Variants in CENPS observed in about 807,000 individuals in gnomAD.
The protein encoded by CENPS is FANCM associated histone fold protein 1.
Under a neutral mutation model 17.9 loss-of-function variants are expected in CENPS, and 16 were observed. That is an observed-to-expected ratio of 0.90 (90% CI 0.61 to 1.36). CENPS has a LOEUF of 1.36. CENPS is among the 40% of genes most tolerant of loss of function. The pLI is 0.00. For missense variants in CENPS, 160 were observed against 158.6 expected (o/e 1.01, Z -0.05); for synonymous variants, 49 against 55.8 (o/e 0.88, Z 0.54).
chr1:10,440,832 A>G (rs1640374924), intron 4 of CENPS, among the ~76,000 whole-genome samples: 1 of 152,114 alleles, frequency 6.6e-6, no homozygotes, highest in Non-Finnish European at 1.5e-5. Flanking sequence ...TTTCAAGTCT[A>G]GAAATCATTT....
At chr1:10,436,631 G>A (rs374907226) in intron 3 of CENPS, among the ~76,000 whole-genome samples, 78 of 151,270 alleles carry the variant, frequency 5.2e-4, no homozygotes, top group African/African-American at 1.7e-3. Context: ...GCTTGAACCA[G>A]GGAGGTGGAG....
rs1207217556 is a variant in CENPS, at chr1:10,442,625, C to T, written c.*220C>T. The T allele has an allele frequency of 6.2e-6, 4 of 645,924 alleles. No homozygotes were observed. Among genetic ancestry groups the T allele is most frequent in the Non-Finnish European group, 8.7e-6 (4 of 457,198 alleles). The allele number at this position is 645,924 out of a possible 1,614,324, so 40.0% of individuals were successfully genotyped here. A position where few individuals can be genotyped will look rare whatever the true frequency, so the allele number is the denominator to read the frequency against. On this transcript the variant is annotated 3_prime_UTR_variant, in exon 5 of 5. Transcript: ENST00000309048. Reference sequence around the variant, plus strand: ...TTAAGCAAAATACTCCCAGGTCTCACTCCAGAACATAAAAATGGTGTGTGA... The same window carrying T: ...TTAAGCAAAATACTCCCAGGTCTCATTCCAGAACATAAAAATGGTGTGTGA...
intron 3 of CENPS, among the ~76,000 whole-genome samples, chr1:10,435,161 C>T (rs956956703): frequency 1.3e-5 from 2 of 152,150 alleles, no homozygotes; most frequent in Admixed American, 6.5e-5. Context: ...CCGAGTAAGA[C>T]GCACTCCTTG....
chr1:10,440,105 G>T, intron 3 of CENPS: 1 of 530,146 alleles, frequency 1.9e-6, no homozygotes, highest in South Asian at 2.6e-5. Context: ...TTATGCTTCG[G>T]GTACCCTTGG....
chr1:10,441,695 G>A (rs1311547631), intron 4 of CENPS, among the ~76,000 whole-genome samples: 6 of 138,850 alleles, frequency 4.3e-5, no homozygotes, highest in African/African-American at 1.1e-4. Context: ...GCGTGATCTC[G>A]GCTCACTGCA....
At chr1:10,432,537 T>C (rs1639967816) in intron 1 of CENPS, among the ~76,000 whole-genome samples, 1 of 152,140 alleles carries the variant, frequency 6.6e-6, no homozygotes, top group Non-Finnish European at 1.5e-5. Flanking sequence ...TTCTAGGCAC[T>C]TGGTAGGCAG....
rs1640463683 is a variant in CENPS, at chr1:10,442,605, C to T, written c.*200C>T. The T allele has an allele frequency of 1.2e-6, 1 of 861,780 alleles. No homozygotes were observed. Among genetic ancestry groups the T allele is most frequent in the Admixed American group, 4.3e-5 (1 of 23,408 alleles). The allele number at this position is 861,780 out of a possible 1,614,324, so 53.4% of individuals were successfully genotyped here. A position where few individuals can be genotyped will look rare whatever the true frequency, so the allele number is the denominator to read the frequency against. On this transcript the variant is annotated 3_prime_UTR_variant, in exon 5 of 5. Transcript: ENST00000309048. ...TTTTAGAGAATGAGAAAGTCTTAAG[C>T]AAAATACTCCCAGGTCTCACTCCAG...
At chr1:10,439,383 A>G (rs1322357176) in intron 3 of CENPS, among the ~76,000 whole-genome samples, 1 of 152,208 alleles carries the variant, frequency 6.6e-6, no homozygotes, top group African/African-American at 2.4e-5. Context: ...TACCTTTCCT[A>G]GCAAAGATAA....
At chr1:10,441,620 C>CTTTTTTTTTTTTTTTTTTTTTT (rs34369229) in intron 4 of CENPS, among the ~76,000 whole-genome samples, 1 of 48,330 alleles carries the variant, frequency 2.1e-5, no homozygotes, top group Non-Finnish European at 3.6e-5. Context: ...GGCTACAACT[C>CTTTTTTTTTTTTTTTTTTTTTT]TTTTTTTTTT....
chr1:10,442,205 G>GTTTA (rs1423460490), intron 4 of CENPS, 60 bp from the exon 5 acceptor site: 1 of 1,521,176 alleles, frequency 6.6e-7, no homozygotes, highest in African/African-American at 1.4e-5. Flanking sequence ...TCGTTTGTTT[G>GTTTA]TTTATTTAGG....
intron 4 of CENPS, among the ~76,000 whole-genome samples, chr1:10,441,756 G>A (rs1640424365): frequency 6.7e-6 from 1 of 150,276 alleles, no homozygotes; most frequent in African/African-American, 2.5e-5. Context: ...CTCCCGAGTA[G>A]CTGGGCCTAC....
rs1250378140 is a variant in CENPS, at chr1:10,433,850, GGCA to G, written c.65_67del (p.Ala22del). 6.2e-7 allele frequency: 1 copy of G among 1,614,032 alleles called. No individual in the cohort carries two copies. ...TTGATGTTTTTCCCCAGAGGCTAAA[GGCA>G]GCAGTTCACTATACTGTGGGTTGTC... On this transcript the variant is annotated inframe_deletion, in exon 2 of 5. Transcript: ENST00000309048.
intron 1 of CENPS, 69 bp downstream of exon 1, chr1:10,430,637 C>G: frequency 1.3e-6 from 2 of 1,483,544 alleles, no homozygotes; most frequent in Non-Finnish European, 1.8e-6. Context: ...GAAAAGTACC[C>G]GGCAGCCCCC....
Position 10,430,442 on chromosome 1 carries a change from C to T in CENPS, c.-76C>T. ...GCGCGGCCCGTCGCTCGCGCCGCGG[C>T]GGGAAAATCCGACCTGGCCGCGCAC... On this transcript the variant is annotated 5_prime_UTR_variant, in exon 1 of 5. Coordinates refer to ENST00000309048, the MANE Select transcript of CENPS (RefSeq NM_199294.3). The T allele has an allele frequency of 2.6e-6, 4 of 1,517,164 alleles. No individual in the cohort carries two copies. Among genetic ancestry groups the T allele is most frequent in the Non-Finnish European group, 3.5e-6 (4 of 1,133,580 alleles). The allele number at this position is 1,517,164 out of a possible 1,614,324, so 94.0% of individuals were successfully genotyped here.
chr1:10,430,905 C>T, intron 1 of CENPS: 2 of 1,278,782 alleles, frequency 1.6e-6, no homozygotes, highest in Non-Finnish European at 2.0e-6. Flanking sequence ...ACAACGTCGG[C>T]ATTAGACATT....
chr1:10,441,899 A>G (rs1319109768), intron 4 of CENPS, among the ~76,000 whole-genome samples: 1 of 150,272 alleles, frequency 6.7e-6, no homozygotes, highest in East Asian at 2.0e-4. Context: ...TGCTGGGATT[A>G]CAGGCGTGAG....
At chr1:10,441,960 T>C (rs1640434273) in intron 4 of CENPS, among the ~76,000 whole-genome samples, 2 of 152,198 alleles carry the variant, frequency 1.3e-5, no homozygotes, top group South Asian at 4.1e-4. Context: ...ACTTATTGGC[T>C]AGGTGTAGTG....
intron 1 of CENPS, among the ~76,000 whole-genome samples, chr1:10,432,065 T>A (rs1639945092): frequency 6.6e-6 from 1 of 152,064 alleles, no homozygotes; most frequent in African/African-American, 2.4e-5. Context: ...TCTTTGGTCC[T>A]GCCTACCCTG....
chr1:10,434,053 A>G, intron 2 of CENPS, 88 bp downstream of exon 2: 1 of 1,579,540 alleles, frequency 6.3e-7, no homozygotes, highest in Non-Finnish European at 8.6e-7. Flanking sequence ...AGCTGTGGCG[A>G]GTCTGACCAG....
Sources: allele counts gnomAD v4.1 joint callset (sites outside exome capture counted in the v4.1 genomes callset), GRCh38; gene constraint gnomAD v4.1.1; transcripts MANE v1.5; gene names NCBI Gene and HGNC (gene_info 2026-07-23, HGNC 2026-07-21).